CFAP54: variants seen among roughly 807,000 people sequenced by gnomAD.
CFAP54 encodes cilia- and flagella-associated protein 54.
A neutral mutation model predicts 370.4 loss-of-function variants in CFAP54; 290 were observed. The observed-to-expected ratio is 0.78, with a 90% CI of 0.71 to 0.86. The LOEUF is 0.86. CFAP54 is among the 40% of genes least tolerant of loss of function. The pLI, the probability that CFAP54 is intolerant of heterozygous loss-of-function variation, is 0.00. For missense variants in CFAP54, 3,399 were observed against 3,528.7 expected (o/e 0.96, Z 0.93); for synonymous variants, 1,206 against 1,236.5 (o/e 0.98, Z 0.52).
At chr12:96,676,782 C>T (rs533679052) in intron 39 of CFAP54, among the ~76,000 whole-genome samples, 5 of 152,026 alleles carry the variant, frequency 3.3e-5, no homozygotes, top group Admixed American at 6.6e-5. Context: ...CTGCCTTGGC[C>T]TCCCAAAGAG....
chr12:96,533,919 TGAG>T lies in CFAP54; in HGVS notation c.1489_1491del (p.Glu497del), dbSNP rs1955471886. 1 of 1,534,698 alleles carries T rather than the reference TGAG, an allele frequency of 6.5e-7. No individual in the cohort carries two copies. The highest frequency in any genetic ancestry group is 8.7e-7 in the Non-Finnish European group (1 of 1,146,348). On this transcript the variant is annotated inframe_deletion, in exon 10 of 68. Coordinates refer to ENST00000524981, the MANE Select transcript of CFAP54 (RefSeq NM_001306084.2). ...AATTTATAAAATTAGCTTTTACCTA[TGAG>T]GAGTGGAGTTTATTTGAATCTTCTG...
intron 5 of CFAP54, among the ~76,000 whole-genome samples, chr12:96,516,605 A>G (rs551607981): frequency 1.3e-5 from 2 of 152,264 alleles, no homozygotes; most frequent in South Asian, 4.1e-4. Context: ...ACATATGACC[A>G]TTTTGCTTTT....
chr12:96,789,887 C>T (rs192311354), intron 62 of CFAP54, among the ~76,000 whole-genome samples: 9 of 152,246 alleles, frequency 5.9e-5, no homozygotes, highest in South Asian at 4.1e-4. Context: ...TAAAGCCTTT[C>T]GGATTTATAT....
At chr12:96,797,242 C>G (rs986252150) in intron 63 of CFAP54, among the ~76,000 whole-genome samples, 1 of 150,938 alleles carries the variant, frequency 6.6e-6, no homozygotes, top group African/African-American at 2.4e-5. Flanking sequence ...TTTTTTTCAC[C>G]AGGAAAGTGT....
In CFAP54 at chr12:96,507,069, C is replaced by G; in HGVS notation, c.709C>G (p.Gln237Glu). Residue 237 changes from glutamine (Q) to glutamate (E), a missense_variant, in exon 4 of 68, where the codon CAA (glutamine) becomes GAA (glutamate). Coordinates refer to ENST00000524981, the MANE Select transcript of CFAP54 (RefSeq NM_001306084.2). Reference sequence around the variant, plus strand: ...GCTCATCATGCAAGTGGCTCTGCCACAAGAGCATCTTTGCTGGATTATCTT... The same window carrying G: ...GCTCATCATGCAAGTGGCTCTGCCAGAAGAGCATCTTTGCTGGATTATCTT... ...LRLIMQVALPQEHLCWIIFNG... is the reference protein window; with the variant it reads ...LRLIMQVALPEEHLCWIIFNG... 1.3e-6 allele frequency: 2 copies of G among 1,533,556 alleles called. No individual in the cohort carries two copies. The highest frequency in any genetic ancestry group is 2.7e-5 in the African/African-American group (2 of 73,068). 95.0% of individuals were successfully genotyped at this position (1,533,556 alleles called of 1,614,324 possible).
chr12:96,500,676 T>G (rs572444846), intron 1 of CFAP54, among the ~76,000 whole-genome samples, 158 bp from the exon 2 acceptor site: 1 of 152,334 alleles, frequency 6.6e-6, no homozygotes, highest in Non-Finnish European at 1.5e-5. Context: ...GAAGCAATAA[T>G]TTTAACTGTA....
chr12:96,553,127 C>T (rs550263146), intron 15 of CFAP54, among the ~76,000 whole-genome samples: 97 of 152,250 alleles, frequency 6.4e-4, no homozygotes, highest in African/African-American at 2.1e-3. Context: ...CCTATCTTGG[C>T]TCTTTCATGC....
chr12:96,582,012 A>G (rs1048819077), intron 22 of CFAP54, among the ~76,000 whole-genome samples: 1 of 152,202 alleles, frequency 6.6e-6, no homozygotes, highest in Non-Finnish European at 1.5e-5. Context: ...AATTTATAAA[A>G]GTAAAACTTC....
At chr12:96,821,289 A>G (rs376353718) in intron 65 of CFAP54, among the ~76,000 whole-genome samples, 20 of 152,132 alleles carry the variant, frequency 1.3e-4, no homozygotes, top group African/African-American at 4.6e-4. Flanking sequence ...TAAGAAATAA[A>G]TGAGGTCGAG....
At chr12:96,758,802 C>T (rs1322620879) in intron 58 of CFAP54, among the ~76,000 whole-genome samples, 1 of 152,074 alleles carries the variant, frequency 6.6e-6, no homozygotes, top group Non-Finnish European at 1.5e-5. Context: ...TGTGAAATGG[C>T]AGACTCTGAT....
chr12:96,536,608 CTT>C (rs1284129601), intron 12 of CFAP54, among the ~76,000 whole-genome samples: 1 of 131,518 alleles, frequency 7.6e-6, no homozygotes, highest in Non-Finnish European at 1.7e-5. Context: ...ATCTGTTTTT[CTT>C]TGTCTTTTTC....
chr12:96,628,654 G>A (rs771238672), intron 30 of CFAP54, among the ~76,000 whole-genome samples: 30 of 152,298 alleles, frequency 2.0e-4, no homozygotes, highest in Admixed American at 8.5e-4. Flanking sequence ...CCAAACGAAT[G>A]TCAACTAACT....
chr12:96,843,613 T>C (rs1959252677), intron 66 of CFAP54, among the ~76,000 whole-genome samples: 1 of 152,160 alleles, frequency 6.6e-6, no homozygotes, highest in Non-Finnish European at 1.5e-5. Context: ...CGACTCTCCT[T>C]CAACTTGTAA....
At chr12:96,601,988 T>A (rs934320908) in intron 26 of CFAP54, among the ~76,000 whole-genome samples, 2 of 152,150 alleles carry the variant, frequency 1.3e-5, no homozygotes, top group Non-Finnish European at 2.9e-5. Flanking sequence ...TTATTTCTTG[T>A]CTTCTGCTAG....
chr12:96,764,352 A>T (rs1264882363), intron 59 of CFAP54, 103 bp downstream of exon 59: 1 of 776,862 alleles, frequency 1.3e-6, no homozygotes, highest in Non-Finnish European at 2.0e-6. Flanking sequence ...GTTGGGTGTG[A>T]TACCTCATGC....
At chr12:96,597,825 G>A (rs1011592709) in intron 25 of CFAP54, among the ~76,000 whole-genome samples, 1 of 151,820 alleles carries the variant, frequency 6.6e-6, no homozygotes, top group East Asian at 1.9e-4. Context: ...ACACATGTAT[G>A]TATTTATATT....
chr12:96,621,334 C>T (rs1329882491), intron 26 of CFAP54, among the ~76,000 whole-genome samples: 1 of 151,928 alleles, frequency 6.6e-6, no homozygotes, highest in Non-Finnish European at 1.5e-5. Context: ...GCTGTGTGGC[C>T]CAGAGATATG....
chr12:96,612,545 C>T (rs941125582), intron 26 of CFAP54, among the ~76,000 whole-genome samples: 1 of 152,132 alleles, frequency 6.6e-6, no homozygotes, highest in Non-Finnish European at 1.5e-5. Context: ...GCAATATTAA[C>T]CTTAAATGTA....
intron 27 of CFAP54, among the ~76,000 whole-genome samples, chr12:96,622,211 C>T (rs2136466780): frequency 6.6e-6 from 1 of 152,216 alleles, no homozygotes; most frequent in East Asian, 1.9e-4. Context: ...CTTTTAATAT[C>T]TGCCTTCCAA....
Sources: allele counts gnomAD v4.1 joint callset (sites outside exome capture counted in the v4.1 genomes callset), GRCh38; gene constraint gnomAD v4.1.1; transcripts MANE v1.5; gene names NCBI Gene and HGNC (gene_info 2026-07-23, HGNC 2026-07-21).